PACRG: variants seen among roughly 807,000 people sequenced by gnomAD.
PACRG encodes parkin coregulated, also known as parkin coregulated gene protein.
PACRG carries 29 observed loss-of-function variants against 29.7 expected under a neutral mutation model. The ratio of observed to expected loss-of-function variants is 0.98; its 90% CI spans 0.73 to 1.33. The LOEUF (loss-of-function observed/expected upper bound fraction) is 1.33. PACRG is among the 40% of genes most tolerant of loss of function. PACRG has a pLI of 0.00. For missense variants in PACRG, 279 were observed against 316.2 expected (o/e 0.88, Z 0.89); for synonymous variants, 116 against 118.7 (o/e 0.98, Z 0.15).
chr6:162,778,316 G>T (rs2128310677), intron 1 of PACRG, among the ~76,000 whole-genome samples: 1 of 152,304 alleles, frequency 6.6e-6, no homozygotes, highest in South Asian at 2.1e-4. Context: ...TTAAATACAA[G>T]ATCTGGGAAT....
At chr6:162,992,359 C>A (rs1477025078) in intron 2 of PACRG, among the ~76,000 whole-genome samples, 2 of 129,028 alleles carry the variant, frequency 1.6e-5, no homozygotes, top group Non-Finnish European at 3.2e-5. Context: ...GGCTGTGAAT[C>A]CATCTGGTCC....
chr6:162,983,865 C>G (rs1209211293), intron 2 of PACRG, among the ~76,000 whole-genome samples: 1 of 151,876 alleles, frequency 6.6e-6, no homozygotes, highest in Non-Finnish European at 1.5e-5. Context: ...GAAGTGAGGC[C>G]AAGGAAGGTT....
intron 2 of PACRG, among the ~76,000 whole-genome samples, chr6:162,966,828 G>A (rs1367013192): frequency 6.6e-6 from 1 of 151,800 alleles, no homozygotes; most frequent in Non-Finnish European, 1.5e-5. Context: ...GTAAGGTTTT[G>A]TGAATTGCTT....
chr6:162,729,313 ATTATGTTAAATGAATAGTG>A (rs1180200593), intron 1 of PACRG, among the ~76,000 whole-genome samples: 1 of 152,194 alleles, frequency 6.6e-6, no homozygotes, highest in Non-Finnish European at 1.5e-5. Context: ...ATGGCAATTC[ATTATGTTAAATGAATAGTG>A]TTGTTTTCCA....
At chr6:162,738,310 C>T (rs1394227427) in intron 1 of PACRG, among the ~76,000 whole-genome samples, 3 of 152,168 alleles carry the variant, frequency 2.0e-5, no homozygotes, top group Non-Finnish European at 4.4e-5. Context: ...TATTTGGTTA[C>T]AGTGCAGGTT....
chr6:163,189,494 T>C (rs7759538), intron 4 of PACRG: 25,033 of 152,252 alleles, frequency 0.16, 2,618 homozygotes, highest in African/African-American at 0.31. Flanking sequence ...ATGCCCAGCT[T>C]ATTCATTATC....
chr6:163,231,705 C>A (rs886625394), intron 4 of PACRG, among the ~76,000 whole-genome samples: 3 of 152,224 alleles, frequency 2.0e-5, no homozygotes, highest in Non-Finnish European at 2.9e-5. Flanking sequence ...TTACCCTCAA[C>A]AAACTCCATC....
chr6:162,817,928 A>G (rs535635873), intron 2 of PACRG, among the ~76,000 whole-genome samples: 27 of 152,306 alleles, frequency 1.8e-4, no homozygotes, highest in Non-Finnish European at 2.9e-4. Context: ...AAATTTCTAT[A>G]TACTTATCAA....
At chr6:163,077,931 T>C (rs935976656) in intron 3 of PACRG, among the ~76,000 whole-genome samples, 3 of 152,094 alleles carry the variant, frequency 2.0e-5, no homozygotes, top group African/African-American at 7.2e-5. Context: ...ATGGAGAGAA[T>C]GGACAGCTTA....
In PACRG at chr6:162,787,578, GTGTGTATATA is replaced by G. The variant is rs1159496419; in HGVS notation, c.157-26567_157-26558del. Among the ~76,000 whole-genome samples the G allele has an allele frequency of 3.1e-3, 161 of 51,444 alleles. 1 individual carries two copies. The highest frequency in any genetic ancestry group is 0.013 in the African/African-American group (123 of 9,704). The allele number at this position is 51,444 out of a possible 152,430, so 33.7% of individuals were successfully genotyped here. The stretch of plus-strand genomic sequence containing the variant: ...GGTTATTGTGTGTGTGTGTGTGTGT[GTGTGTATATA>G]TATATATATATATATATATATATAT... On this transcript the variant is annotated intron_variant, in intron 1 of 4. Transcript: ENST00000366888.
At chr6:162,943,959 C>T (rs1314249737) in intron 2 of PACRG, among the ~76,000 whole-genome samples, 1 of 152,152 alleles carries the variant, frequency 6.6e-6, no homozygotes, top group Non-Finnish European at 1.5e-5. Context: ...CCTGAGGACC[C>T]ACCCACCTGC....
In PACRG at chr6:163,116,836, G is replaced by A. The variant is rs1461856487; in HGVS notation, c.613+27428G>A. The stretch of plus-strand genomic sequence containing the variant: ...AAATGACTGAGAAGCTTGGGTGTTA[G>A]GATGGTGATGCCGTTTTCAGCACTG... On this transcript the variant is annotated intron_variant, in intron 4 of 4. Coordinates refer to ENST00000366888, the MANE Select transcript of PACRG (RefSeq NM_001080379.2). Among the ~76,000 whole-genome samples, 3 of 152,308 alleles carry A rather than the reference G, an allele frequency of 2.0e-5. 1 individual carries two copies. Among genetic ancestry groups the A allele is most frequent in the Admixed American group, 2.0e-4 (3 of 15,298 alleles).
chr6:163,291,828 G>A (rs1261154870), intron 4 of PACRG, among the ~76,000 whole-genome samples: 10 of 152,218 alleles, frequency 6.6e-5, no homozygotes, highest in Admixed American at 5.2e-4. Flanking sequence ...GCCAGATGAG[G>A]AGGTGGGGAG....
At chr6:163,047,233 C>A (rs532687068) in intron 2 of PACRG, among the ~76,000 whole-genome samples, 1 of 152,250 alleles carries the variant, frequency 6.6e-6, no homozygotes, top group South Asian at 2.1e-4. Flanking sequence ...TTTATGAACA[C>A]CTGTTATCCT....
At chr6:162,972,271 G>C (rs1425694169) in intron 2 of PACRG, among the ~76,000 whole-genome samples, 1 of 152,116 alleles carries the variant, frequency 6.6e-6, no homozygotes, top group Non-Finnish European at 1.5e-5. Flanking sequence ...GACTCCTATG[G>C]ACCAGTCAAG....
At chr6:163,314,392 C>A (rs955651260) in intron 4 of PACRG, among the ~76,000 whole-genome samples, 21 of 152,184 alleles carry the variant, frequency 1.4e-4, no homozygotes, top group African/African-American at 5.1e-4. Flanking sequence ...AGCAGAGATG[C>A]GGGTGGGGGC....
At chr6:163,092,402 C>T (rs1814192114) in intron 4 of PACRG, among the ~76,000 whole-genome samples, 1 of 152,118 alleles carries the variant, frequency 6.6e-6, no homozygotes. Context: ...CCAATTCAGG[C>T]CCCATCTACA....
intron 2 of PACRG, among the ~76,000 whole-genome samples, chr6:162,978,316 G>T (rs1802127920): frequency 6.6e-6 from 1 of 152,174 alleles, no homozygotes; most frequent in Admixed American, 6.5e-5. Context: ...GACTTAGAAA[G>T]ATGCCCATAA....
chr6:163,266,521 C>T (rs1486686251), intron 4 of PACRG, among the ~76,000 whole-genome samples: 1 of 152,142 alleles, frequency 6.6e-6, no homozygotes, highest in Non-Finnish European at 1.5e-5. Context: ...GTGGGAGAAG[C>T]CAGATGGGGC....
Sources: gnomAD v4.1 joint callset for allele counts (sites outside exome capture counted in the v4.1 genomes callset) on GRCh38, gnomAD v4.1.1 for gene constraint, MANE v1.5 for transcripts, NCBI Gene and HGNC (gene_info 2026-07-23, HGNC 2026-07-21) for gene names.